The following NUMA1 variants were observed in gnomAD, a reference collection of about 807,000 sequenced individuals.
NUMA1 encodes the protein SP-H antigen.
NUMA1 carries 62 observed loss-of-function variants against 237.1 expected under a neutral mutation model. The ratio of observed to expected loss-of-function variants is 0.26; its 90% CI spans 0.21 to 0.32. NUMA1 has a LOEUF of 0.32. Ranked by LOEUF, NUMA1 falls within the 10% of genes least tolerant of loss-of-function variation. The pLI, the probability that NUMA1 is intolerant of heterozygous loss-of-function variation, is 1.00. For missense variants in NUMA1, 2,533 were observed against 2,666.5 expected (o/e 0.95, Z 1.10); for synonymous variants, 1,028 against 1,066.1 (o/e 0.96, Z 0.70).
intron 8 of NUMA1, 59 bp from the exon 9 acceptor site, chr11:72,019,676 T>G: frequency 8.3e-6 from 13 of 1,572,376 alleles, no homozygotes; most frequent in Non-Finnish European, 1.1e-5. Context: ...GTGTAAAGAT[T>G]TGCACCTTTA....
At chr11:72,009,434 A>G (rs569372410) in intron 17 of NUMA1, 47 bp from the exon 18 acceptor site, 2 of 1,551,396 alleles carry the variant, frequency 1.3e-6, no homozygotes, top group South Asian at 2.4e-5. Flanking sequence ...CGCTCTACCC[A>G]AGTCCGCTTA....
Position 72,014,311 on chromosome 11 carries a change from C to G in NUMA1, c.3192G>C (p.Gln1064His). ...CCAGACCACGAAGCTTGGCCAACTCCTGGTCCTTGCCTTCCTTTTCCGTCA... is the reference window on the plus strand; with the variant it reads ...CCAGACCACGAAGCTTGGCCAACTCGTGGTCCTTGCCTTCCTTTTCCGTCA... ...HALTEKEGKD[Q>H]ELAKLRGLEA... Residue 1064 changes from glutamine (Q) to histidine (H), a missense_variant, in exon 15 of 27, where the codon CAG becomes CAC. Physicochemically the swap from Gln to His is conservative, Grantham distance 24. Transcript: ENST00000393695. The surrounding 1 kb of genome is among the most constrained non-coding windows in gnomAD (Gnocchi z 4.6). The G allele has an allele frequency of 3.1e-6, 5 of 1,613,926 alleles. No individual in the cohort carries two copies. The highest frequency in any genetic ancestry group is 4.2e-6 in the Non-Finnish European group (5 of 1,180,046).
chr11:72,071,285 A>G (rs185924423), intron 1 of NUMA1, among the ~76,000 whole-genome samples: 3 of 152,364 alleles, frequency 2.0e-5, no homozygotes, highest in African/African-American at 7.2e-5. Flanking sequence ...GTGCTAAATT[A>G]TATACTGTCT....
In NUMA1 at chr11:72,015,440, G is replaced by C. The variant is rs911570726; in HGVS notation, c.2063C>G (p.Thr688Ser). The change falls in exon 15 of 27, where the codon ACT (threonine) becomes AGT (serine). Residue 688 changes from threonine (T) to serine (S), a missense_variant. Transcript: ENST00000393695. This position sits in a 1 kb window ranked among gnomAD's most constrained non-coding sequence, Gnocchi z 4.0. The part of the protein sequence containing the change: ...LQLRSEQQKA[T>S]EKERVAQEKD... ...CTCCTGGGCCACCCTTTCTTTCTCA[G>C]TTGCTTTTTGCTGCTCAGACCGCAG... 1 of 1,611,770 alleles carries C rather than the reference G, an allele frequency of 6.2e-7. No homozygotes were observed. Among genetic ancestry groups the C allele is most frequent in the Non-Finnish European group, 8.5e-7 (1 of 1,180,030 alleles).
Position 72,005,362 on chromosome 11 carries a change from G to T in NUMA1, c.5700C>A (p.Asn1900Lys), listed in dbSNP as rs1955617486. 1.2e-6 allele frequency: 2 copies of T among 1,605,160 alleles called. No homozygotes were observed. Among genetic ancestry groups the T allele is most frequent in the Non-Finnish European group, 1.7e-6 (2 of 1,176,192 alleles). ...GVSSGAPPGRNSFYMGTCQDE... is the reference protein window; with the variant it reads ...GVSSGAPPGRKSFYMGTCQDE... ...CCTGGCAAGTGCCCATGTAGAAGCTGTTCCTTCCTGTGGAAGGCAGGGAAG... is the reference window on the plus strand; with the variant it reads ...CCTGGCAAGTGCCCATGTAGAAGCTTTTCCTTCCTGTGGAAGGCAGGGAAG... Residue 1900 changes from asparagine (N) to lysine (K), a missense_variant, in exon 23 of 27, where the codon AAC (asparagine) becomes AAA (lysine). By Grantham distance (94) the Asn-to-Lys change is moderately conservative. This residue lies in a region of NUMA1 where 795 missense variants were observed against 750.8 expected (regional missense o/e 1.06). Transcript: ENST00000393695.
rs1369846955 is a variant in NUMA1, at chr11:72,009,332, T to A, written c.4775A>T (p.Gln1592Leu). ...SQQEAQRLQA[Q>L]LNELQAQLSQ... ...CAACTGGGCTTGCAGTTCATTCAGCTGGGCCTGGAGGCGCTGGGCCTCCTG... is the reference window on the plus strand; with the variant it reads ...CAACTGGGCTTGCAGTTCATTCAGCAGGGCCTGGAGGCGCTGGGCCTCCTG... The change falls in exon 18 of 27, where the codon CAG becomes CTG. Residue 1592 changes from glutamine (Q) to leucine (L), a missense_variant. Coordinates refer to ENST00000393695, the MANE Select transcript of NUMA1 (RefSeq NM_006185.4). The A allele has an allele frequency of 6.2e-6, 10 of 1,613,276 alleles. No homozygotes were observed. Among genetic ancestry groups the A allele is most frequent in the Non-Finnish European group, 7.6e-6 (9 of 1,179,980 alleles).
chr11:72,006,114 G>A lies in NUMA1; in HGVS notation c.5613C>T (p.Leu1871=), dbSNP rs748387955. ...TGGTGGGGCGGTAGCCAGGCAAGCT[G>A]AGCAGGGCTGAGTTGCCATAATCGG... is the stretch of plus-strand genomic sequence containing the variant. ...GSPDYGNSAL[L]SLPGYRPTTR... Residue 1871 remains leucine (L), a synonymous_variant, in exon 22 of 27, where the codon CTC becomes CTT. Transcript: ENST00000393695. 2.5e-6 allele frequency: 4 copies of A among 1,614,184 alleles called. No individual in the cohort carries two copies. Among genetic ancestry groups the A allele is most frequent in the Middle Eastern group, 1.7e-4 (1 of 6,060 alleles).
chr11:72,047,715 G>A (rs1025595438), intron 2 of NUMA1, among the ~76,000 whole-genome samples: 5 of 152,038 alleles, frequency 3.3e-5, no homozygotes, highest in Admixed American at 6.6e-5. Context: ...CAAGATGACC[G>A]CAGGGGACAG....
chr11:72,060,978 G>C (rs907052092), intron 2 of NUMA1, among the ~76,000 whole-genome samples: 3 of 152,220 alleles, frequency 2.0e-5, no homozygotes, highest in Non-Finnish European at 4.4e-5. Context: ...GCTGAGGCAG[G>C]AGATCACTTG....
chr11:72,014,026 C>T lies in NUMA1; in HGVS notation c.3477G>A (p.Glu1159=). The T allele has an allele frequency of 6.2e-7, 1 of 1,611,644 alleles. No individual in the cohort carries two copies. Among genetic ancestry groups the T allele is most frequent in the Non-Finnish European group, 8.5e-7 (1 of 1,179,990 alleles). The change falls in exon 15 of 27, where the codon GAG becomes GAA. Residue 1159 remains glutamate (E), a synonymous_variant. Transcript: ENST00000393695. This position sits in a 1 kb window ranked among gnomAD's most constrained non-coding sequence, Gnocchi z 4.6. The stretch of plus-strand genomic sequence containing the variant: ...GCAGAGTCTCCAGAGCACTGTCCCG[C>T]TCAGCCCGGGAGGCCCGCTCAGCCT... The part of the protein sequence containing the change: ...SLEAERASRA[E]RDSALETLQG...
At position 72,007,252 on chromosome 11, in the gene NUMA1, CGAGTCCAGGAAGACGTCTCCCAGG is replaced by C. The variant is rs749240370; in HGVS notation, c.5376_5399del (p.Leu1793_Ser1800del). ...GACGAGCGGAGCGGGTCTTACGACC[CGAGTCCAGGAAGACGTCTCCCAGG>C]GAGTCCAGGCTGCTCTCCAGGGGGG... is the stretch of plus-strand genomic sequence containing the variant. On this transcript the variant is annotated inframe_deletion, in exon 21 of 27. Transcript: ENST00000393695. The C allele has an allele frequency of 8.6e-5, 139 of 1,612,588 alleles. No homozygotes were observed. The highest frequency in any genetic ancestry group is 1.2e-4 in the Non-Finnish European group (136 of 1,179,704).
chr11:72,031,612 T>C (rs931803550), intron 3 of NUMA1, among the ~76,000 whole-genome samples: 23 of 151,918 alleles, frequency 1.5e-4, no homozygotes, highest in Non-Finnish European at 1.9e-4. Context: ...CTGGGCAACA[T>C]AAGGAGACCC....
rs1457938292 is a variant in NUMA1 at position 72,013,979 on chromosome 11, G to A, written c.3524C>T (p.Ala1175Val). 6.2e-7 allele frequency: 1 copy of A among 1,613,124 alleles called. No individual in the cohort carries two copies. The highest frequency in any genetic ancestry group is 8.5e-7 in the Non-Finnish European group (1 of 1,179,996). ...ACTCTGACTGTGCCCTAGCTCCTGG[G>A]CCTTCTCCTCTAACTGGCCCTGCAG... ...ETLQGQLEEK[A>V]QELGHSQSAL... The change falls in exon 15 of 27, where the codon GCC becomes GTC. Residue 1175 changes from alanine (A) to valine (V), a missense_variant. Ala to Val is a moderately conservative substitution (Grantham distance 64, BLOSUM62 0). This residue lies in a region of NUMA1 where 1,414 missense variants were observed against 1,508.1 expected (regional missense o/e 0.94). Transcript: ENST00000393695. This position sits in a 1 kb window ranked among gnomAD's most constrained non-coding sequence, Gnocchi z 6.8.
Position 72,018,813 on chromosome 11 carries a change from A to G in NUMA1, c.742+10T>C. ...CTATTCACACATCTGCCAGTGTGCCAGCCACCTACCCTTCTCGGTGAGGAG... is the reference window on the plus strand; with the variant it reads ...CTATTCACACATCTGCCAGTGTGCCGGCCACCTACCCTTCTCGGTGAGGAG... On this transcript the variant is annotated intron_variant, in intron 10 of 26. Transcript: ENST00000393695. 6.2e-7 allele frequency: 1 copy of G among 1,605,292 alleles called. No individual in the cohort carries two copies. Among genetic ancestry groups the G allele is most frequent in the Non-Finnish European group, 8.5e-7 (1 of 1,178,626 alleles).
Position 72,015,933 on chromosome 11 carries a change from G to A in NUMA1, c.1570C>T (p.Leu524=). 6.2e-7 allele frequency: 1 copy of A among 1,614,170 alleles called. No individual in the cohort carries two copies. The highest frequency in any genetic ancestry group is 8.5e-7 in the Non-Finnish European group (1 of 1,180,046). The change falls in exon 15 of 27, where the codon CTG becomes TTG. Residue 524 remains leucine (L), a synonymous_variant. Transcript: ENST00000393695. The surrounding 1 kb of genome is among the most constrained non-coding windows in gnomAD (Gnocchi z 4.0). ...TGCTTCTCTTTGGCCTGCTGCTTCA[G>A]GCCAGCCAGTTCTTGATCCTGTTGC... ...IQQQDQELAG[L]KQQAKEKQAQ... is the part of the protein sequence containing the mutation.
chr11:72,003,908 G>A lies in NUMA1; in HGVS notation c.6315C>T (p.Ala2105=), dbSNP rs1955457991. The part of the protein sequence containing the change: ...ASAATAAAIG[A]TPRAKGKAKH ...CTACCTTGCCCTTGGCTCGAGGGGT[G>A]GCACCAATGGCGGCAGCAGTGGCGG... The change falls in exon 26 of 27, where the codon GCC becomes GCT. Residue 2105 remains alanine, a synonymous_variant. Transcript: ENST00000393695. 2 of 1,613,568 alleles carry A rather than the reference G, an allele frequency of 1.2e-6. No individual in the cohort carries two copies. The highest frequency in any genetic ancestry group is 2.2e-5 in the South Asian group (2 of 91,074).
chr11:72,003,839 C>T (rs754127721), intron 26 of NUMA1, 48 bp downstream of exon 26: 3 of 1,586,696 alleles, frequency 1.9e-6, no homozygotes, highest in Non-Finnish European at 2.6e-6. Flanking sequence ...CTGGGGGGTG[C>T]CCATGCTCTC....
At position 72,018,675 on chromosome 11, in the gene NUMA1, A is replaced by T; in HGVS notation, c.742+148T>A. ...GGAAAGAGAAGATGGGGACAAAGAC[A>T]GAACCTAGCTTCCAGGAGGTCAGCC... On this transcript the variant is annotated intron_variant, in intron 10 of 26. Transcript: ENST00000393695. 8 of 1,119,762 alleles carry T rather than the reference A, an allele frequency of 7.1e-6. No individual in the cohort carries two copies. In the South Asian group the frequency reaches 8.9e-5, roughly 12 times the overall value. The allele number at this position is 1,119,762 out of a possible 1,614,324, so 69.4% of individuals were successfully genotyped here. A position where few individuals can be genotyped will look rare whatever the true frequency, so the allele number is the denominator to read the frequency against.
Position 72,015,780 on chromosome 11 carries a change from C to T in NUMA1, c.1723G>A (p.Glu575Lys). The change falls in exon 15 of 27, where the codon GAG (glutamate) becomes AAG (lysine). Residue 575 changes from glutamate (E) to lysine (K), a missense_variant. Around this residue, in one of 3 missense-constraint regions of NUMA1, gnomAD observed 1,414 missense variants for 1,508.1 expected, o/e 0.94. Coordinates refer to ENST00000393695, the MANE Select transcript of NUMA1 (RefSeq NM_006185.4). The surrounding 1 kb of genome is among the most constrained non-coding windows in gnomAD (Gnocchi z 4.0). Reference sequence around the variant, plus strand: ...TGGGCATGGTCCTGCCTAGTTGCCTCCTGCTTCTCCGCTACCTCCTTCAAC... The same window carrying T: ...TGGGCATGGTCCTGCCTAGTTGCCTTCTGCTTCTCCGCTACCTCCTTCAAC... ...QQLKEVAEKQ[E>K]ATRQDHAQQL... 1.2e-6 allele frequency: 2 copies of T among 1,614,238 alleles called. No homozygotes were observed. Among genetic ancestry groups the T allele is most frequent in the Non-Finnish European group, 1.7e-6 (2 of 1,180,054 alleles).
Sources: gnomAD v4.1 joint callset for allele counts (sites outside exome capture counted in the v4.1 genomes callset) on GRCh38, gnomAD v4.1.1 for gene constraint, gnomAD v4.1.1 regional missense constraint, Gnocchi (gnomAD v3.1) non-coding constraint, MANE v1.5 for transcripts, NCBI Gene and HGNC (gene_info 2026-07-23, HGNC 2026-07-21) for gene names.